The following RALYL variants were observed in gnomAD, a reference collection of about 807,000 sequenced individuals.
The protein encoded by RALYL is RALY RNA binding protein like, also known as RNA-binding Raly-like protein.
A neutral mutation model predicts 35.1 loss-of-function variants in RALYL; 29 were observed. The observed-to-expected ratio is 0.83, with a 90% CI of 0.61 to 1.13. The LOEUF (loss-of-function observed/expected upper bound fraction) is 1.13, where lower values mean the gene tolerates loss of function less well. Among genes scored for constraint, RALYL ranks in the 50% most tolerant of loss-of-function variants. The pLI is 0.00. For missense variants in RALYL, 359 were observed against 360.4 expected, an observed-to-expected ratio of 1.00 and a Z score of 0.03; for synonymous variants, 120 against 127.6, an observed-to-expected ratio of 0.94 and a Z score of 0.40.
chr8:84,619,790 T>A lies in RALYL; in HGVS notation c.256+90213T>A, dbSNP rs974813948. On this transcript the variant is annotated intron_variant, in intron 2 of 8. Coordinates refer to ENST00000521268, the MANE Select transcript of RALYL (RefSeq NM_173848.7). ...AGGAGCTCTTTTAGGGCAGGCCTGA[T>A]GGTGACAAAATCTCTCAGCATTTGC... Among the ~76,000 whole-genome samples, 5 of 150,972 alleles carry A rather than the reference T, an allele frequency of 3.3e-5. 1 individual carries two copies. The highest frequency in any genetic ancestry group is 1.2e-4 in the African/African-American group (5 of 40,312).
chr8:84,580,845 A>G (rs1810657214), intron 2 of RALYL, among the ~76,000 whole-genome samples: 1 of 150,180 alleles, frequency 6.7e-6, no homozygotes, highest in South Asian at 2.1e-4. Context: ...TCAGGATATG[A>G]AAAGGCAGAG....
At chr8:84,658,739 C>A (rs1830382111) in intron 2 of RALYL, among the ~76,000 whole-genome samples, 1 of 151,974 alleles carries the variant, frequency 6.6e-6, no homozygotes, top group South Asian at 2.1e-4. Context: ...AAAAGAAAAA[C>A]CCATGTTGAT....
chr8:84,852,652 CT>C (rs1438381584), intron 5 of RALYL, among the ~76,000 whole-genome samples: 1 of 152,168 alleles, frequency 6.6e-6, no homozygotes. Context: ...TGGAGTTTTA[CT>C]CTACACCGTA....
chr8:84,842,670 G>A (rs1025158337), intron 4 of RALYL, among the ~76,000 whole-genome samples: 4 of 152,098 alleles, frequency 2.6e-5, no homozygotes. Context: ...AACAGAAAAA[G>A]AGAATTTTAG....
chr8:84,591,979 T>C (rs1212153115), intron 2 of RALYL, among the ~76,000 whole-genome samples: 4 of 152,188 alleles, frequency 2.6e-5, no homozygotes, highest in African/African-American at 9.7e-5. Flanking sequence ...CTTTTTGTTG[T>C]TCAATGTGAA....
At chr8:84,683,092 G>A (rs1370660048) in intron 2 of RALYL, among the ~76,000 whole-genome samples, 1 of 152,050 alleles carries the variant, frequency 6.6e-6, no homozygotes, top group African/African-American at 2.4e-5. Context: ...CCTTCATTTT[G>A]TTATGTACCC....
intron 1 of RALYL, among the ~76,000 whole-genome samples, chr8:84,294,757 A>T (rs1839432551): frequency 6.6e-6 from 1 of 151,826 alleles, no homozygotes; most frequent in South Asian, 2.1e-4. Context: ...AAGTGGGTTA[A>T]CTTTGTACTA....
chr8:84,366,514 C>T (rs746463129), intron 1 of RALYL, among the ~76,000 whole-genome samples: 10 of 151,972 alleles, frequency 6.6e-5, no homozygotes, highest in South Asian at 4.1e-4. Context: ...GCGGTGGCCA[C>T]GCCTATGATC....
At chr8:84,617,962 A>G (rs1211042689) in intron 2 of RALYL, among the ~76,000 whole-genome samples, 1 of 151,790 alleles carries the variant, frequency 6.6e-6, no homozygotes, top group Non-Finnish European at 1.5e-5. Context: ...CATGGTGGAT[A>G]AGCCTTTTGA....
At chr8:84,405,529 C>A (rs1438196866) in intron 1 of RALYL, among the ~76,000 whole-genome samples, 2 of 152,190 alleles carry the variant, frequency 1.3e-5, no homozygotes, top group East Asian at 3.9e-4. Context: ...AAGGGGATAT[C>A]ACCACTGATC....
chr8:84,897,019 A>G (rs1844872911), intron 8 of RALYL, among the ~76,000 whole-genome samples: 1 of 152,238 alleles, frequency 6.6e-6, no homozygotes, highest in African/African-American at 2.4e-5. Context: ...TTCAAATTCA[A>G]CTGGGTTTCC....
In RALYL at chr8:84,676,825, C is replaced by T. The variant is rs528222670; in HGVS notation, c.257-97754C>T. Among the ~76,000 whole-genome samples the T allele has an allele frequency of 4.0e-5, 6 of 151,650 alleles. No individual in the cohort carries two copies. The East Asian group carries it at 1.2e-3, about 29-fold the overall frequency. ...AGATTTTTTTTTTCTTTTTTTGAGACAGAGTCTCGCTTTGTCACCCAGGCT... is the reference window on the plus strand; with the variant it reads ...AGATTTTTTTTTTCTTTTTTTGAGATAGAGTCTCGCTTTGTCACCCAGGCT... On this transcript the variant is annotated intron_variant, in intron 2 of 8. Transcript: ENST00000521268.
At chr8:84,857,039 A>G (rs1837196577) in intron 5 of RALYL, among the ~76,000 whole-genome samples, 1 of 79,122 alleles carries the variant, frequency 1.3e-5, no homozygotes, top group Non-Finnish European at 2.6e-5. Flanking sequence ...CGTCTCAGAA[A>G]AAAAAAAAAA....
At chr8:84,286,305 G>C (rs1255009757) in intron 1 of RALYL, among the ~76,000 whole-genome samples, 1 of 152,202 alleles carries the variant, frequency 6.6e-6, no homozygotes, top group East Asian at 1.9e-4. Flanking sequence ...TGTTTGGTTT[G>C]TGCAAGCGGA....
chr8:84,539,687 A>T (rs2059858070), intron 2 of RALYL, among the ~76,000 whole-genome samples: 1 of 151,658 alleles, frequency 6.6e-6, no homozygotes. Flanking sequence ...CTGGAATTGA[A>T]TTTTTTGGTA....
chr8:84,712,597 A>G (rs577160517), intron 2 of RALYL, among the ~76,000 whole-genome samples: 9 of 152,252 alleles, frequency 5.9e-5, no homozygotes, highest in African/African-American at 2.2e-4. Context: ...AAACAACTTG[A>G]CTATCATATG....
At chr8:84,311,090 A>AAAAAAAAAAAAAAAAAAAAAAAAAAAAT (rs1554614840) in intron 1 of RALYL, among the ~76,000 whole-genome samples, 1 of 99,720 alleles carries the variant, frequency 1.0e-5, no homozygotes, top group Non-Finnish European at 2.1e-5. Context: ...AAAAAAAAAA[A>AAAAAAAAAAAAAAAAAAAAAAAAAAAAT]ATGTATATTA....
At chr8:84,571,732 T>A (rs1215560257) in intron 2 of RALYL, among the ~76,000 whole-genome samples, 1 of 151,792 alleles carries the variant, frequency 6.6e-6, no homozygotes, top group Non-Finnish European at 1.5e-5. Flanking sequence ...TTTCTCTTTT[T>A]TATGTAGGCA....
intron 2 of RALYL, among the ~76,000 whole-genome samples, chr8:84,665,303 CT>C (rs143140113): frequency 0.19 from 29,242 of 151,780 alleles, 3,076 homozygotes; most frequent in Non-Finnish European, 0.23. Flanking sequence ...CTCTACCAGG[CT>C]TTTTTTAATC....
Sources: allele counts gnomAD v4.1 joint callset (sites outside exome capture counted in the v4.1 genomes callset), GRCh38; gene constraint gnomAD v4.1.1; transcripts MANE v1.5; gene names NCBI Gene and HGNC (gene_info 2026-07-23, HGNC 2026-07-21).